The following FBXO16 variants were observed in gnomAD, a reference collection of about 807,000 sequenced individuals.
The protein encoded by FBXO16 is F-box only protein 16.
FBXO16 carries 31 observed loss-of-function variants against 41.0 expected under a neutral mutation model. The ratio of observed to expected loss-of-function variants is 0.76; its 90% CI spans 0.57 to 1.02. FBXO16 has a LOEUF of 1.02. Ranked by LOEUF, FBXO16 falls within the 50% of genes least tolerant of loss-of-function variation. The pLI, the probability that FBXO16 is intolerant of heterozygous loss-of-function variation, is 0.00. For synonymous variants in FBXO16, 133 were observed against 117.8 expected, an observed-to-expected ratio of 1.13 and a Z score of -0.84; for missense variants, 361 against 346.2, an observed-to-expected ratio of 1.04 and a Z score of -0.34.
intron 7 of FBXO16, among the ~76,000 whole-genome samples, chr8:28,445,173 T>C (rs1012530710): frequency 1.3e-4 from 20 of 152,140 alleles, no homozygotes; most frequent in Admixed American, 6.5e-5. Flanking sequence ...TTAGTATATT[T>C]ACAAAAAACA....
In FBXO16 at chr8:28,463,602, T is replaced by G. The variant is rs1371520215; in HGVS notation, c.342+10A>C. The G allele has an allele frequency of 1.9e-6, 3 of 1,613,272 alleles. No individual in the cohort carries two copies. The highest frequency in any genetic ancestry group is 2.5e-6 in the Non-Finnish European group (3 of 1,179,890). On this transcript the variant is annotated intron_variant, in intron 4 of 8. Coordinates refer to ENST00000380254, the MANE Select transcript of FBXO16 (RefSeq NM_172366.4). Reference sequence around the variant, plus strand: ...TCACAAAACACCACATACCCCTTCCTTGCCTTTACCTGTGCACAACGACAA... The same window carrying G: ...TCACAAAACACCACATACCCCTTCCGTGCCTTTACCTGTGCACAACGACAA...
intron 7 of FBXO16, among the ~76,000 whole-genome samples, chr8:28,434,247 C>A (rs928187036): frequency 2.4e-4 from 36 of 152,200 alleles, no homozygotes; most frequent in African/African-American, 8.7e-4. Context: ...AGGTGTGAAC[C>A]ACTGCACCTG....
intron 3 of FBXO16, among the ~76,000 whole-genome samples, chr8:28,466,286 T>G (rs1803238383): frequency 6.6e-6 from 1 of 152,136 alleles, no homozygotes; most frequent in Non-Finnish European, 1.5e-5. Context: ...AAATACTTCC[T>G]AAATAAAACT....
intron 7 of FBXO16, among the ~76,000 whole-genome samples, chr8:28,431,803 G>A (rs1206557144): frequency 1.3e-5 from 2 of 152,088 alleles, no homozygotes. Context: ...CTCACTCTTT[G>A]AAAATAATTA....
chr8:28,473,774 A>G lies in FBXO16; in HGVS notation c.133T>C (p.Trp45Arg), dbSNP rs1223167016. 6.2e-7 allele frequency: 1 copy of G among 1,602,060 alleles called. No individual in the cohort carries two copies. The highest frequency in any genetic ancestry group is 8.5e-7 in the Non-Finnish European group (1 of 1,172,006). Residue 45 changes from tryptophan to arginine, a missense_variant and splice_region_variant, in exon 3 of 9, where the codon TGG becomes CGG. Physicochemically the swap from Trp to Arg is moderately radical, Grantham distance 101. Coordinates refer to ENST00000380254, the MANE Select transcript of FBXO16 (RefSeq NM_172366.4). ...FEERRALLGK[W>R]FDKWTDSQRR... ...AAATAGTATTTTTAAATGTTTACCC[A>G]TTTGCCAAGCAGGGCTCTTCTTTCT...
At chr8:28,482,920 A>G (rs1047567753) in intron 2 of FBXO16, among the ~76,000 whole-genome samples, 4 of 152,126 alleles carry the variant, frequency 2.6e-5, no homozygotes. Flanking sequence ...AATGTGAATA[A>G]TCAGTTGAAA....
chr8:28,466,411 T>C (rs1167155915), intron 3 of FBXO16, among the ~76,000 whole-genome samples: 1 of 152,090 alleles, frequency 6.6e-6, no homozygotes, highest in Non-Finnish European at 1.5e-5. Context: ...CTGCGAAGAC[T>C]ACAGGAATAA....
chr8:28,463,897 C>G, intron 3 of FBXO16, 79 bp from the exon 4 acceptor site: 1 of 1,317,246 alleles, frequency 7.6e-7, no homozygotes, highest in South Asian at 1.3e-5. Flanking sequence ...TAAGACATGA[C>G]AATGGCATAG....
chr8:28,467,792 C>G (rs1405675414), intron 3 of FBXO16, among the ~76,000 whole-genome samples: 1 of 152,166 alleles, frequency 6.6e-6, no homozygotes, highest in Non-Finnish European at 1.5e-5. Flanking sequence ...AACATTAAAA[C>G]ACTTTCCCCA....
At chr8:28,448,411 G>A (rs1412877608) in intron 6 of FBXO16, among the ~76,000 whole-genome samples, 1 of 150,976 alleles carries the variant, frequency 6.6e-6, no homozygotes. Context: ...GGAGGAACAG[G>A]AACCAAAAGT....
At chr8:28,454,753 G>GAAAAAAAAAAAAAAA (rs1563363014) in intron 5 of FBXO16, among the ~76,000 whole-genome samples, 11 of 58,338 alleles carry the variant, frequency 1.9e-4, no homozygotes, top group African/African-American at 9.0e-4. Context: ...AAAAAAAAAG[G>GAAAAAAAAAAAAAAA]ATCATTAATT....
chr8:28,451,380 G>GTTTTTTTTTTTT (rs67171132), intron 6 of FBXO16, among the ~76,000 whole-genome samples: 1 of 138,704 alleles, frequency 7.2e-6, no homozygotes, highest in Non-Finnish European at 1.6e-5. Flanking sequence ...CTTTGTTGTT[G>GTTTTTTTTTTTT]TTTTTTTTTT....
chr8:28,461,883 T>C (rs181819559), intron 4 of FBXO16, among the ~76,000 whole-genome samples: 76 of 152,104 alleles, frequency 5.0e-4, no homozygotes, highest in African/African-American at 1.8e-3. Context: ...CTGTCTTTTA[T>C]CCTACTGAAA....
At chr8:28,441,329 T>C (rs974426905) in intron 7 of FBXO16, among the ~76,000 whole-genome samples, 2 of 152,204 alleles carry the variant, frequency 1.3e-5, no homozygotes, top group African/African-American at 4.8e-5. Context: ...TCCTAGAGTC[T>C]GCTGACATCC....
chr8:28,488,986 A>C (rs983261407), intron 1 of FBXO16, among the ~76,000 whole-genome samples: 2 of 103,458 alleles, frequency 1.9e-5, no homozygotes, highest in Non-Finnish European at 4.0e-5. Context: ...TGCTCACCTG[A>C]ATCATCACAG....
rs571615457 is a variant in FBXO16, at chr8:28,456,157, G to A, written c.507+609C>T. ...ATTATCTCATTAGCTGGGACTATACGAATGAATATAAGCATTGGTTAGAAT... is the reference window on the plus strand; with the variant it reads ...ATTATCTCATTAGCTGGGACTATACAAATGAATATAAGCATTGGTTAGAAT... On this transcript the variant is annotated intron_variant, in intron 5 of 8. Coordinates refer to ENST00000380254, the MANE Select transcript of FBXO16 (RefSeq NM_172366.4). Among the ~76,000 whole-genome samples, 5 of 151,874 alleles carry A rather than the reference G, an allele frequency of 3.3e-5. No individual in the cohort carries two copies. In the South Asian group the frequency reaches 6.2e-4, roughly 19 times the overall value.
intron 2 of FBXO16, among the ~76,000 whole-genome samples, chr8:28,479,560 TA>T (rs1191701397): frequency 6.6e-6 from 1 of 152,206 alleles, no homozygotes; most frequent in Non-Finnish European, 1.5e-5. Context: ...TCAATGTGTG[TA>T]AAACCTTCAC....
chr8:28,460,225 G>GTATATATA (rs771679568), intron 4 of FBXO16, among the ~76,000 whole-genome samples: 12 of 75,224 alleles, frequency 1.6e-4, no homozygotes, highest in African/African-American at 6.3e-4. Flanking sequence ...ATATGTGTGT[G>GTATATATA]TATATATATA....
intron 2 of FBXO16, 39 bp from the exon 3 acceptor site, chr8:28,473,846 C>T: frequency 6.8e-7 from 1 of 1,477,086 alleles, no homozygotes; most frequent in Non-Finnish European, 9.4e-7. Flanking sequence ...TTTCATATAC[C>T]ATAGTTCAAA....
Sources: allele counts gnomAD v4.1 joint callset (sites outside exome capture counted in the v4.1 genomes callset), GRCh38; gene constraint gnomAD v4.1.1; transcripts MANE v1.5; gene names NCBI Gene and HGNC (gene_info 2026-07-23, HGNC 2026-07-21).